TRERF1: variants seen among roughly 807,000 people sequenced by gnomAD.
The protein encoded by TRERF1 is transcriptional regulating factor 1, also known as transcriptional-regulating factor 1.
In TRERF1, 27 loss-of-function variants were observed where a neutral mutation model predicts 122.9. The ratio of observed to expected loss-of-function variants is 0.22; its 90% CI spans 0.16 to 0.30. TRERF1 has a LOEUF of 0.30. Among genes scored for constraint, TRERF1 ranks in the 10% least tolerant of loss-of-function variants. TRERF1 has a pLI of 1.00. For synonymous variants in TRERF1, 636 were observed against 641.7 expected, an observed-to-expected ratio of 0.99 and a Z score of 0.13; for missense variants, 1,248 against 1,560.3, an observed-to-expected ratio of 0.80 and a Z score of 3.37.
At position 42,380,044 on chromosome 6, in the gene TRERF1, C is replaced by T. The variant is rs657038; in HGVS notation, c.-453-16965G>A. ...GTGAGGAAGGAGGGCATTTTATCTA[C>T]GACGGTTGGGGCAGAGGTCTCTGGG... On this transcript the variant is annotated intron_variant, in intron 2 of 17. Coordinates refer to ENST00000372922, the Ensembl canonical transcript of TRERF1. Among the ~76,000 whole-genome samples, 715 of 152,258 alleles carry T rather than the reference C, an allele frequency of 4.7e-3. 5 individuals carry two copies. The highest frequency in any genetic ancestry group is 0.017 in the African/African-American group (687 of 41,532).
chr6:42,436,800 CAAAA>C lies in TRERF1; in HGVS notation c.-454+14373_-454+14376del, dbSNP rs775861205. Among the ~76,000 whole-genome samples the C allele has an allele frequency of 4.8e-3, 370 of 77,500 alleles. 2 individuals carry two copies. Among genetic ancestry groups the C allele is most frequent in the African/African-American group, 0.011 (181 of 15,808 alleles). The allele number at this position is 77,500 out of a possible 152,430, so 50.8% of individuals were successfully genotyped here. A position where few individuals can be genotyped will look rare whatever the true frequency, so the allele number is the denominator to read the frequency against. On this transcript the variant is annotated intron_variant, in intron 2 of 17. Coordinates refer to ENST00000372922, the Ensembl canonical transcript of TRERF1. ...ATGAATTATTTGCAATCTCCCTCTA[CAAAA>C]AAAAAAAAAAATATATATATATATA...
chr6:42,249,458 A>G (rs1775369964), intron 13 of TRERF1, among the ~76,000 whole-genome samples: 2 of 152,196 alleles, frequency 1.3e-5, no homozygotes, highest in African/African-American at 4.8e-5. Flanking sequence ...ATTGCTTGCC[A>G]GATGCAACTC....
intron 2 of TRERF1, among the ~76,000 whole-genome samples, chr6:42,397,700 G>A (rs896381018): frequency 6.6e-6 from 1 of 152,168 alleles, no homozygotes; most frequent in Non-Finnish European, 1.5e-5. Context: ...AATTGTGCCA[G>A]CTCAGAAGCT....
At chr6:42,282,845 G>A (rs1184040242) in intron 4 of TRERF1, among the ~76,000 whole-genome samples, 5 of 152,180 alleles carry the variant, frequency 3.3e-5, no homozygotes, top group Admixed American at 3.3e-4. Context: ...TACAGGGTTA[G>A]GTTCCTGCAA....
chr6:42,415,657 AATACACACATGT>A (rs1433426281), intron 2 of TRERF1, among the ~76,000 whole-genome samples: 2 of 152,182 alleles, frequency 1.3e-5, no homozygotes, highest in Non-Finnish European at 2.9e-5. Context: ...TTTATCACAA[AATACACACATGT>A]ATACACACAC....
chr6:42,407,618 C>T (rs1582048405), intron 2 of TRERF1, among the ~76,000 whole-genome samples: 1 of 152,142 alleles, frequency 6.6e-6, no homozygotes, highest in South Asian at 2.1e-4. Context: ...CACATGATAA[C>T]GTAGTGACTC....
chr6:42,443,250 G>A (rs1003265941), intron 2 of TRERF1, among the ~76,000 whole-genome samples: 4 of 152,190 alleles, frequency 2.6e-5, no homozygotes, highest in African/African-American at 9.7e-5. Flanking sequence ...GTACAAGAGA[G>A]TTCATTATAC....
At chr6:42,370,494 G>A (rs1432654695) in intron 2 of TRERF1, among the ~76,000 whole-genome samples, 1 of 152,206 alleles carries the variant, frequency 6.6e-6, no homozygotes, top group Non-Finnish European at 1.5e-5. Flanking sequence ...TAAGGCAAGG[G>A]AATCACTTGA....
chr6:42,296,256 T>C (rs529299193), intron 4 of TRERF1, among the ~76,000 whole-genome samples: 1 of 152,234 alleles, frequency 6.6e-6, no homozygotes, highest in Non-Finnish European at 1.5e-5. Context: ...CCTCAGATTA[T>C]TTTTAAAAAC....
chr6:42,333,931 T>C (rs1265283283), intron 3 of TRERF1, among the ~76,000 whole-genome samples: 1 of 151,826 alleles, frequency 6.6e-6, no homozygotes, highest in Non-Finnish European at 1.5e-5. Context: ...TTTTTTCTCT[T>C]AGACTGGTAG....
At chr6:42,227,363 C>T (rs1047793458) in exon 18 of TRERF1, 34 of 152,218 alleles carry the variant, frequency 2.2e-4, no homozygotes, top group Admixed American at 2.2e-3. Context: ...CACAGTACTT[C>T]CAAGTGGCAC....
intron 3 of TRERF1, among the ~76,000 whole-genome samples, chr6:42,344,684 C>T (rs1157114451): frequency 6.6e-6 from 1 of 152,178 alleles, no homozygotes; most frequent in Non-Finnish European, 1.5e-5. Flanking sequence ...TCAACCCAAG[C>T]AGTCACCTTG....
chr6:42,329,085 A>G (rs115222793), intron 3 of TRERF1, among the ~76,000 whole-genome samples: 1,672 of 152,114 alleles, frequency 0.011, 27 homozygotes, highest in African/African-American at 0.035. Context: ...AGGACAAGAC[A>G]AGTTGGACTA....
intron 4 of TRERF1, among the ~76,000 whole-genome samples, chr6:42,274,955 T>G (rs1378585389): frequency 3.3e-5 from 5 of 152,162 alleles, no homozygotes; most frequent in African/African-American, 4.8e-5. Context: ...TCCCTCCACC[T>G]TCCACCCCCA....
At chr6:42,309,538 T>C (rs2150337595) in intron 3 of TRERF1, among the ~76,000 whole-genome samples, 1 of 152,316 alleles carries the variant, frequency 6.6e-6, no homozygotes, top group South Asian at 2.1e-4. Context: ...TAGATCATCT[T>C]ACTCCAAGGT....
At chr6:42,267,892 G>A (rs547461861) in intron 5 of TRERF1, among the ~76,000 whole-genome samples, 1 of 152,302 alleles carries the variant, frequency 6.6e-6, no homozygotes, top group Admixed American at 6.5e-5. Flanking sequence ...TGACCATTAC[G>A]TGAATCATTT....
chr6:42,447,175 T>C (rs1787666795), intron 2 of TRERF1, among the ~76,000 whole-genome samples: 1 of 152,198 alleles, frequency 6.6e-6, no homozygotes, highest in Non-Finnish European at 1.5e-5. Flanking sequence ...CCATGCCAGC[T>C]CATCGTCTTC....
intron 2 of TRERF1, among the ~76,000 whole-genome samples, chr6:42,427,285 G>T (rs1414366587): frequency 6.6e-6 from 1 of 152,150 alleles, no homozygotes; most frequent in Non-Finnish European, 1.5e-5. Context: ...TGGAGACAAG[G>T]TCTCACTCTA....
intron 2 of TRERF1, among the ~76,000 whole-genome samples, chr6:42,376,947 C>T (rs1462492826): frequency 1.3e-5 from 2 of 152,070 alleles, no homozygotes; most frequent in East Asian, 3.9e-4. Flanking sequence ...CTTACTGCAA[C>T]ATCTGCCTCC....
Sources: allele counts gnomAD v4.1 joint callset (sites outside exome capture counted in the v4.1 genomes callset), GRCh38; gene constraint gnomAD v4.1.1; transcripts MANE v1.5; gene names NCBI Gene and HGNC (gene_info 2026-07-23, HGNC 2026-07-21).